Variants in PLD5 observed in about 807,000 individuals in gnomAD.
The protein encoded by PLD5 is inactive phospholipase D5.
In PLD5, 36 loss-of-function variants were observed where a neutral mutation model predicts 61.1. The observed-to-expected ratio is 0.59, with a 90% CI of 0.45 to 0.78. The LOEUF is 0.78. PLD5 is among the 30% of genes least tolerant of loss of function. The pLI is 0.00. For missense variants in PLD5, 515 were observed against 644.4 expected, an observed-to-expected ratio of 0.80 and a Z score of 2.17; for synonymous variants, 243 against 242.8, an observed-to-expected ratio of 1.00 and a Z score of -0.01.
intron 5 of PLD5, among the ~76,000 whole-genome samples, chr1:242,187,201 GA>G (rs1667962720): frequency 6.6e-6 from 1 of 152,150 alleles, no homozygotes; most frequent in Admixed American, 6.5e-5. Flanking sequence ...GTCTCAGCAG[GA>G]AAAATTGCTG....
At chr1:242,462,902 T>C (rs2102939412) in intron 1 of PLD5, among the ~76,000 whole-genome samples, 1 of 152,328 alleles carries the variant, frequency 6.6e-6, no homozygotes, top group African/African-American at 2.4e-5. Flanking sequence ...TGTCACTGTC[T>C]CCAACATTAC....
chr1:242,160,433 T>TAACA (rs1464476455), intron 5 of PLD5, among the ~76,000 whole-genome samples: 1 of 152,152 alleles, frequency 6.6e-6, no homozygotes, highest in East Asian at 1.9e-4. Context: ...TTGTTCAACA[T>TAACA]AACATTCCTG....
chr1:242,509,564 T>A (rs1668838324), intron 1 of PLD5, among the ~76,000 whole-genome samples: 1 of 152,204 alleles, frequency 6.6e-6, no homozygotes, highest in Admixed American at 6.5e-5. Flanking sequence ...GGCCTTCTAA[T>A]TCATCTTGTT....
At chr1:242,337,158 T>C in intron 2 of PLD5, among the ~76,000 whole-genome samples, 1 of 111,258 alleles carries the variant, frequency 9.0e-6, no homozygotes, top group Non-Finnish European at 2.0e-5. Context: ...CTGAAGCTTC[T>C]CAATGGCTTG....
chr1:242,102,021 T>C (rs1233087521), intron 8 of PLD5, among the ~76,000 whole-genome samples: 1 of 152,212 alleles, frequency 6.6e-6, no homozygotes, highest in African/African-American at 2.4e-5. Flanking sequence ...TCCTGTCTTC[T>C]GTAAAATCTG....
chr1:242,481,870 G>T (rs1176078138), intron 1 of PLD5, among the ~76,000 whole-genome samples: 1 of 152,144 alleles, frequency 6.6e-6, no homozygotes, highest in Non-Finnish European at 1.5e-5. Flanking sequence ...ACTTCCAGAG[G>T]AACGATCAGG....
chr1:242,321,925 G>C (rs1031403497), intron 2 of PLD5, among the ~76,000 whole-genome samples: 1 of 152,118 alleles, frequency 6.6e-6, no homozygotes, highest in Non-Finnish European at 1.5e-5. Flanking sequence ...TTTTTTAACT[G>C]AAAACCTCAC....
At chr1:242,317,165 C>A (rs1382111379) in intron 2 of PLD5, among the ~76,000 whole-genome samples, 2 of 152,042 alleles carry the variant, frequency 1.3e-5, no homozygotes, top group East Asian at 3.9e-4. Flanking sequence ...AGGCGCCCAC[C>A]ACCATGCTCG....
At chr1:242,157,014 T>A (rs1665426468) in intron 5 of PLD5, among the ~76,000 whole-genome samples, 1 of 152,190 alleles carries the variant, frequency 6.6e-6, no homozygotes, top group African/African-American at 2.4e-5. Flanking sequence ...TTTGGTCTTT[T>A]CACATAGTTC....
chr1:242,293,198 G>T (rs1675467360), intron 2 of PLD5, among the ~76,000 whole-genome samples: 1 of 152,170 alleles, frequency 6.6e-6, no homozygotes, highest in Non-Finnish European at 1.5e-5. Context: ...AATCCTGGTT[G>T]GTAGAGAAAG....
intron 3 of PLD5, among the ~76,000 whole-genome samples, chr1:242,273,931 G>A (rs554820945): frequency 1.3e-5 from 2 of 152,312 alleles, no homozygotes; most frequent in East Asian, 3.9e-4. Flanking sequence ...AGGCTCTGGA[G>A]CCACTGGAGG....
At chr1:242,107,528 G>GA (rs1200530317) in intron 8 of PLD5, 143 bp downstream of exon 8, 15 of 807,870 alleles carry the variant, frequency 1.9e-5, no homozygotes, top group Non-Finnish European at 2.2e-5. Context: ...TGATTGTTTT[G>GA]AAAAAATTAC....
chr1:242,477,015 C>A (rs575166726), intron 1 of PLD5, among the ~76,000 whole-genome samples: 7 of 152,216 alleles, frequency 4.6e-5, no homozygotes, highest in African/African-American at 1.7e-4. Flanking sequence ...TTTGGGAGGC[C>A]GAGGTGGGTG....
At chr1:242,190,862 T>C (rs1402366546) in intron 5 of PLD5, among the ~76,000 whole-genome samples, 1 of 152,198 alleles carries the variant, frequency 6.6e-6, no homozygotes, top group Non-Finnish European at 1.5e-5. Flanking sequence ...AAGACAATCA[T>C]GCACTGCTGG....
rs190016094 is a variant in PLD5, at chr1:242,381,972, G to C, written c.190-33730C>G. ...CAGAAAAGAGACAAACGACTTAAGA[G>C]ATAAAAGTAAGTGACAGAATCCAAA... is the stretch of plus-strand genomic sequence containing the variant. On this transcript the variant is annotated intron_variant, in intron 1 of 9. Coordinates refer to ENST00000536534, the MANE Select transcript of PLD5 (RefSeq NM_001372062.1). Among the ~76,000 whole-genome samples, 42 of 152,252 alleles carry C rather than the reference G, an allele frequency of 2.8e-4. No homozygotes were observed. In the East Asian group the frequency reaches 7.9e-3, roughly 29 times the overall value.
chr1:242,364,580 GTGGCATGCACC>G (rs1220568214), intron 1 of PLD5, among the ~76,000 whole-genome samples: 3 of 152,026 alleles, frequency 2.0e-5, no homozygotes, highest in Non-Finnish European at 4.4e-5. Flanking sequence ...GCTGAGTGTG[GTGGCATGCACC>G]TGTAATCCCA....
chr1:242,117,413 G>A (rs1662031770), intron 6 of PLD5, among the ~76,000 whole-genome samples: 1 of 150,054 alleles, frequency 6.7e-6, no homozygotes, highest in African/African-American at 2.5e-5. Flanking sequence ...ATGGAGTCTT[G>A]CTCTGTTGCC....
intron 5 of PLD5, among the ~76,000 whole-genome samples, chr1:242,128,443 G>A (rs968621802): frequency 7.9e-5 from 12 of 152,302 alleles, no homozygotes; most frequent in Admixed American, 2.6e-4. Context: ...GGCAGTGGCC[G>A]TGGATCAAAG....
At chr1:242,356,641 G>A (rs1048165543) in intron 1 of PLD5, among the ~76,000 whole-genome samples, 7 of 151,316 alleles carry the variant, frequency 4.6e-5, no homozygotes, top group Non-Finnish European at 7.4e-5. Flanking sequence ...CTTTCTTCCT[G>A]TCTTGTTGTT....
Sources: allele counts gnomAD v4.1 joint callset (sites outside exome capture counted in the v4.1 genomes callset), GRCh38; gene constraint gnomAD v4.1.1; transcripts MANE v1.5; gene names NCBI Gene and HGNC (gene_info 2026-07-23, HGNC 2026-07-21).